Variants in SPAG17 observed in about 807,000 individuals in gnomAD.
The protein encoded by SPAG17 is sperm-associated antigen 17.
A neutral mutation model predicts 273.6 loss-of-function variants in SPAG17; 169 were observed. That is an observed-to-expected ratio of 0.62 (90% confidence interval 0.55 to 0.70). SPAG17 has a LOEUF of 0.70. Among genes scored for constraint, SPAG17 ranks in the 30% least tolerant of loss-of-function variants. The pLI is 0.00. For synonymous variants in SPAG17, 825 were observed against 873.2 expected, an observed-to-expected ratio of 0.94 and a Z score of 0.97; for missense variants, 2,557 against 2,627.8, an observed-to-expected ratio of 0.97 and a Z score of 0.59.
At chr1:117,991,032 A>T in intron 37 of SPAG17, 126 bp from the exon 38 acceptor site, 1 of 490,314 alleles carries the variant, frequency 2.0e-6, no homozygotes, top group Non-Finnish European at 3.6e-6. Context: ...AAAAATACTG[A>T]TATAAAATTA....
At chr1:118,106,576 G>T (rs536202232) in intron 4 of SPAG17, among the ~76,000 whole-genome samples, 1 of 152,262 alleles carries the variant, frequency 6.6e-6, no homozygotes, top group Admixed American at 6.5e-5. Context: ...CAACATGTTG[G>T]TAGACAGCTG....
chr1:118,182,876 T>C (rs544408248), intron 1 of SPAG17, among the ~76,000 whole-genome samples: 1 of 152,342 alleles, frequency 6.6e-6, no homozygotes, highest in South Asian at 2.1e-4. Context: ...TTTAATCATT[T>C]AGTGCTTAGT....
chr1:118,025,458 G>A, intron 26 of SPAG17, 42 bp from the exon 27 acceptor site: 2 of 1,319,292 alleles, frequency 1.5e-6, no homozygotes, highest in South Asian at 1.7e-5. Flanking sequence ...GGACAATGCT[G>A]CAGGGCTGGA....
At chr1:118,164,954 C>T (rs771395171) in intron 1 of SPAG17, among the ~76,000 whole-genome samples, 1 of 152,202 alleles carries the variant, frequency 6.6e-6, no homozygotes, top group South Asian at 2.1e-4. Flanking sequence ...CTGTGTTTTC[C>T]CAGCTCTCTG....
intron 20 of SPAG17, among the ~76,000 whole-genome samples, chr1:118,045,093 A>G (rs1650199360): frequency 6.6e-6 from 1 of 152,206 alleles, no homozygotes; most frequent in Non-Finnish European, 1.5e-5. Context: ...ACTGAGTTTA[A>G]TAGCAACTGT....
At chr1:118,154,854 G>A (rs1408943703) in intron 1 of SPAG17, among the ~76,000 whole-genome samples, 1 of 151,916 alleles carries the variant, frequency 6.6e-6, no homozygotes, top group Non-Finnish European at 1.5e-5. Flanking sequence ...ACTATCTTAA[G>A]AAGTTTAAGT....
intron 3 of SPAG17, among the ~76,000 whole-genome samples, chr1:118,125,426 G>A (rs917337121): frequency 6.6e-6 from 1 of 152,020 alleles, no homozygotes; most frequent in Non-Finnish European, 1.5e-5. Flanking sequence ...CTACATACAA[G>A]TTATTAGACT....
intron 15 of SPAG17, among the ~76,000 whole-genome samples, chr1:118,078,274 TTC>T (rs1039418706): frequency 1.3e-5 from 2 of 152,132 alleles, no homozygotes; most frequent in African/African-American, 4.8e-5. Context: ...AATTTATTTT[TTC>T]TTTTTTTATC....
intron 18 of SPAG17, among the ~76,000 whole-genome samples, chr1:118,060,712 G>C (rs1652191333): frequency 6.6e-6 from 1 of 152,100 alleles, no homozygotes; most frequent in Non-Finnish European, 1.5e-5. Flanking sequence ...GGGCAGGTCT[G>C]GTGGTGATGA....
rs192340526 is a variant in SPAG17, at chr1:118,074,604, C to A, written c.2210-4G>T. On this transcript the variant is annotated splice_polypyrimidine_tract_variant and splice_region_variant and intron_variant, in intron 15 of 48. Transcript: ENST00000336338. ...ATCTCATTGTTTGTGGTCTGCTCTG[C>A]AAATCAAAGACACCAACATCCAGTT... 27 of 1,613,224 alleles carry A rather than the reference C, an allele frequency of 1.7e-5. No individual in the cohort carries two copies. Among genetic ancestry groups the A allele is most frequent in the East Asian group, 2.2e-5 (1 of 44,872 alleles).
intron 3 of SPAG17, among the ~76,000 whole-genome samples, chr1:118,136,932 A>G (rs909584255): frequency 2.6e-5 from 4 of 152,170 alleles, no homozygotes; most frequent in South Asian, 2.1e-4. Flanking sequence ...GTTGGCAGGA[A>G]GAAGAATTCT....
chr1:118,119,016 C>A (rs950600440), intron 3 of SPAG17, among the ~76,000 whole-genome samples: 1 of 152,186 alleles, frequency 6.6e-6, no homozygotes, highest in African/African-American at 2.4e-5. Context: ...CTAAGCATTC[C>A]TCTTCTCTCT....
intron 1 of SPAG17, among the ~76,000 whole-genome samples, chr1:118,178,771 A>AT (rs1660809388): frequency 6.6e-6 from 1 of 151,782 alleles, no homozygotes; most frequent in Admixed American, 6.6e-5. Context: ...AAGTTGCAGG[A>AT]TACAAAATCA....
At chr1:118,060,304 GT>G (rs926925758) in intron 18 of SPAG17, among the ~76,000 whole-genome samples, 17 of 149,184 alleles carry the variant, frequency 1.1e-4, no homozygotes, top group East Asian at 1.9e-4. Context: ...ATTTGTAGAA[GT>G]TTTTTTTTTC....
intron 18 of SPAG17, among the ~76,000 whole-genome samples, chr1:118,059,850 T>C (rs1018354143): frequency 2.0e-5 from 3 of 152,132 alleles, no homozygotes; most frequent in African/African-American, 7.2e-5. Context: ...GTGAGTCTCT[T>C]GCAGGCAGAG....
intron 1 of SPAG17, among the ~76,000 whole-genome samples, chr1:118,175,881 A>C (rs1215165412): frequency 1.3e-5 from 2 of 152,346 alleles, no homozygotes; most frequent in East Asian, 3.9e-4. Flanking sequence ...ATGAAGCCCA[A>C]AACACAAATC....
At chr1:118,184,972 A>T in intron 1 of SPAG17, 99 bp downstream of exon 1, 2 of 996,006 alleles carry the variant, frequency 2.0e-6, no homozygotes, top group African/African-American at 1.6e-5. Context: ...ACGGAGAGAT[A>T]CGGAAGAGAG....
In SPAG17 at chr1:118,130,810, G is replaced by A. The variant is rs115927952; in HGVS notation, c.316-15369C>T. ...TTTAGTATACTGTGGATTATTGAGT[G>A]CATATTCTATGCTAGACACCGTACT... On this transcript the variant is annotated intron_variant, in intron 3 of 48. Transcript: ENST00000336338. Among the ~76,000 whole-genome samples the A allele has an allele frequency of 4.2e-3, 639 of 152,306 alleles. 4 individuals carry two copies. Among genetic ancestry groups the A allele is most frequent in the African/African-American group, 0.015 (606 of 41,566 alleles).
intron 3 of SPAG17, among the ~76,000 whole-genome samples, chr1:118,119,082 T>A (rs759345725): frequency 7.2e-5 from 11 of 152,184 alleles, no homozygotes; most frequent in Non-Finnish European, 1.2e-4. Flanking sequence ...CCCTAGGCGC[T>A]CTCATGGAAA....
Sources: allele counts gnomAD v4.1 joint callset (sites outside exome capture counted in the v4.1 genomes callset), GRCh38; gene constraint gnomAD v4.1.1; transcripts MANE v1.5; gene names NCBI Gene and HGNC (gene_info 2026-07-23, HGNC 2026-07-21).